SCHIP1: variants seen among roughly 807,000 people sequenced by gnomAD.
SCHIP1 encodes the protein schwannomin interacting protein 1, also known as schwannomin-interacting protein 1.
A neutral mutation model predicts 29.7 loss-of-function variants in SCHIP1; 8 were observed. The ratio of observed to expected loss-of-function variants is 0.27; its 90% CI spans 0.16 to 0.49. SCHIP1 has a LOEUF of 0.49. SCHIP1 is among the 20% of genes least tolerant of loss of function. The pLI is 0.99. For missense variants in SCHIP1, 193 were observed against 294.6 expected (o/e 0.66, Z 2.52); for synonymous variants, 76 against 94.9 (o/e 0.80, Z 1.16).
At chr3:159,355,312 C>T in the SCHIP1 span, among the ~76,000 whole-genome samples, 2 of 152,088 alleles carry the variant, frequency 1.3e-5, no homozygotes, top group Non-Finnish European at 2.9e-5. Context: ...AATGTACTCC[C>T]TGAAAGTCTG....
chr3:159,574,469 C>G, the SCHIP1 span, among the ~76,000 whole-genome samples: 2 of 152,184 alleles, frequency 1.3e-5, no homozygotes. Flanking sequence ...GCTGCCTGAT[C>G]CTTCCTCTGG....
the SCHIP1 span, among the ~76,000 whole-genome samples, chr3:159,543,529 C>G: frequency 6.6e-6 from 1 of 151,100 alleles, no homozygotes; most frequent in Admixed American, 6.6e-5. Context: ...CATCCATGTC[C>G]CTACAAAGGA....
At chr3:159,495,303 G>A in the SCHIP1 span, among the ~76,000 whole-genome samples, 1 of 152,192 alleles carries the variant, frequency 6.6e-6, no homozygotes, top group South Asian at 2.1e-4. Flanking sequence ...ATTAGGAAAA[G>A]AGGAAGTCAA....
chr3:159,892,057 CA>C (rs1560099392), intron 5 of SCHIP1, 39 bp from the exon 7 acceptor site: 2 of 1,593,176 alleles, frequency 1.3e-6, no homozygotes, highest in African/African-American at 2.7e-5. Context: ...GACTTGGAGG[CA>C]GTTTTATCTG....
At chr3:159,573,923 C>T in the SCHIP1 span, among the ~76,000 whole-genome samples, 1 of 152,204 alleles carries the variant, frequency 6.6e-6, no homozygotes, top group East Asian at 1.9e-4. Context: ...CTTGTGCATG[C>T]ATCACAAAGT....
chr3:159,820,760 CAGA>C, the SCHIP1 span, among the ~76,000 whole-genome samples: 1 of 152,028 alleles, frequency 6.6e-6, no homozygotes, highest in Non-Finnish European at 1.5e-5. Flanking sequence ...GTCTGGAGTT[CAGA>C]AGAAGGTCTA....
chr3:159,592,861 A>G, the SCHIP1 span, among the ~76,000 whole-genome samples: 1 of 152,116 alleles, frequency 6.6e-6, no homozygotes, highest in Non-Finnish European at 1.5e-5. Flanking sequence ...AGTAGCAAAA[A>G]TAGTCTCTAC....
the SCHIP1 span, among the ~76,000 whole-genome samples, chr3:159,738,280 G>T: frequency 1.3e-5 from 2 of 151,572 alleles, no homozygotes; most frequent in African/African-American, 4.8e-5. Flanking sequence ...AAATGCAACT[G>T]GTATATAGAT....
chr3:159,347,328 C>A, the SCHIP1 span, among the ~76,000 whole-genome samples: 1 of 152,074 alleles, frequency 6.6e-6, no homozygotes, highest in South Asian at 2.1e-4. Flanking sequence ...GTATTTAAAC[C>A]CAACCTTAAT....
intron 1 of SCHIP1, chr3:159,853,164 A>C (rs1333302831): frequency 2.4e-6 from 1 of 423,400 alleles, no homozygotes; most frequent in African/African-American, 2.0e-5. Flanking sequence ...AGAAAACAGC[A>C]GCTGCCCGGT....
the SCHIP1 span, among the ~76,000 whole-genome samples, chr3:159,710,890 T>C: frequency 2.6e-5 from 4 of 152,108 alleles, no homozygotes; most frequent in African/African-American, 9.7e-5. Context: ...CCATGTACAG[T>C]GTGAGAAGTC....
intron 6 of SCHIP1, chr3:159,894,541 T>C (rs1188155201): frequency 6.6e-6 from 1 of 152,188 alleles, no homozygotes; most frequent in Non-Finnish European, 1.5e-5. Flanking sequence ...ATCGCATCTC[T>C]GTCATGTGGA....
chr3:159,595,593 C>T, the SCHIP1 span, among the ~76,000 whole-genome samples: 1 of 152,100 alleles, frequency 6.6e-6, no homozygotes, highest in Non-Finnish European at 1.5e-5. Context: ...ACATGGTCAA[C>T]AGTACCCTTG....
chr3:159,274,247 C>G, the SCHIP1 span: 1 of 985,338 alleles, frequency 1.0e-6, no homozygotes, highest in South Asian at 4.7e-5. Flanking sequence ...GCACAAGACT[C>G]TCTTTGGAAA....
the SCHIP1 span, among the ~76,000 whole-genome samples, chr3:159,587,421 T>G: frequency 2.6e-5 from 4 of 152,118 alleles, no homozygotes; most frequent in Admixed American, 6.6e-5. Flanking sequence ...AGGCAATCAC[T>G]GCTAACATTT....
chr3:159,575,709 A>G, the SCHIP1 span, among the ~76,000 whole-genome samples: 25 of 152,302 alleles, frequency 1.6e-4, no homozygotes, highest in Middle Eastern at 3.4e-3. Context: ...TTCTGGGATT[A>G]CAGGCATGAG....
the SCHIP1 span, among the ~76,000 whole-genome samples, chr3:159,692,460 T>C: frequency 5.3e-5 from 8 of 152,226 alleles, no homozygotes; most frequent in Non-Finnish European, 1.0e-4. Flanking sequence ...CTTCACACTT[T>C]ATTTCATTAA....
chr3:159,437,733 G>A, the SCHIP1 span, among the ~76,000 whole-genome samples: 1 of 152,118 alleles, frequency 6.6e-6, no homozygotes, highest in African/African-American at 2.4e-5. Flanking sequence ...CTCAAAGGAA[G>A]CCTTGTAATG....
At chr3:159,742,666 T>A in the SCHIP1 span, among the ~76,000 whole-genome samples, 1 of 151,252 alleles carries the variant, frequency 6.6e-6, no homozygotes. Flanking sequence ...CACTCTTTTT[T>A]TTCTTTTTCT....
Sources: allele counts gnomAD v4.1 joint callset (sites outside exome capture counted in the v4.1 genomes callset), GRCh38; gene constraint gnomAD v4.1.1; transcripts MANE v1.5; gene names NCBI Gene and HGNC (gene_info 2026-07-23, HGNC 2026-07-21).